The following RPTOR variants were observed in gnomAD, a reference collection of about 807,000 sequenced individuals.
The protein encoded by RPTOR is regulatory associated protein of MTOR complex 1, also known as regulatory-associated protein of mTOR.
RPTOR carries 21 observed loss-of-function variants against 169.9 expected under a neutral mutation model. The ratio of observed to expected loss-of-function variants is 0.12; its 90% CI spans 0.09 to 0.18. RPTOR has a LOEUF of 0.18. Among genes scored for constraint, RPTOR ranks in the 10% least tolerant of loss-of-function variants. The pLI is 1.00. For synonymous variants in RPTOR, 732 were observed against 753.2 expected, an observed-to-expected ratio of 0.97 and a Z score of 0.46; for missense variants, 1,133 against 1,855.9, an observed-to-expected ratio of 0.61 and a Z score of 7.16.
chr17:80,928,334 G>C (rs1254256753), intron 24 of RPTOR, among the ~76,000 whole-genome samples: 2 of 152,146 alleles, frequency 1.3e-5, no homozygotes, highest in African/African-American at 4.8e-5. Flanking sequence ...TGACATTTGT[G>C]TAACGAGCTG....
chr17:80,576,531 T>C (rs1169740697), intron 1 of RPTOR, among the ~76,000 whole-genome samples: 6 of 152,218 alleles, frequency 3.9e-5, no homozygotes, highest in Non-Finnish European at 1.5e-5. Flanking sequence ...CGGCAGTCAT[T>C]GTTCTTTCAG....
At chr17:80,704,730 G>C (rs543831870) in intron 3 of RPTOR, among the ~76,000 whole-genome samples, 1 of 152,208 alleles carries the variant, frequency 6.6e-6, no homozygotes, top group Non-Finnish European at 1.5e-5. Flanking sequence ...GTGTTGTAAT[G>C]CTGGGGAAAG....
chr17:80,648,171 A>G (rs1260857890), intron 3 of RPTOR, among the ~76,000 whole-genome samples: 2 of 152,100 alleles, frequency 1.3e-5, no homozygotes, highest in African/African-American at 4.8e-5. Flanking sequence ...TGGTATTGAT[A>G]ATAGAGTTGT....
At chr17:80,857,149 C>A (rs1433514831) in intron 12 of RPTOR, among the ~76,000 whole-genome samples, 1 of 152,266 alleles carries the variant, frequency 6.6e-6, no homozygotes, top group Non-Finnish European at 1.5e-5. Context: ...ATCCTCCACA[C>A]TGCAGTGCCC....
At position 80,603,798 on chromosome 17, in the gene RPTOR, G is replaced by A. The variant is rs191279786; in HGVS notation, c.163-21893G>A. Among the ~76,000 whole-genome samples, 310 of 152,296 alleles carry A rather than the reference G, an allele frequency of 2.0e-3. 2 individuals carry two copies. The highest frequency in any genetic ancestry group is 7.2e-3 in the African/African-American group (300 of 41,560). On this transcript the variant is annotated intron_variant, in intron 1 of 33. Coordinates refer to ENST00000306801, the MANE Select transcript of RPTOR (RefSeq NM_020761.3). ...TGTTGCCAGCCAAAGAAGCGCATCCGAGACTTAGCCCCCAGGGTTTTTACT... is the reference window on the plus strand; with the variant it reads ...TGTTGCCAGCCAAAGAAGCGCATCCAAGACTTAGCCCCCAGGGTTTTTACT...
intron 6 of RPTOR, among the ~76,000 whole-genome samples, chr17:80,777,738 C>T (rs1030550056): frequency 1.3e-5 from 2 of 152,230 alleles, no homozygotes; most frequent in Admixed American, 6.5e-5. Context: ...TTAGCTGTTA[C>T]GTCTAGGCCT....
chr17:80,885,080 A>G lies in RPTOR; in HGVS notation c.1915A>G (p.Thr639Ala). 6.2e-7 allele frequency: 1 copy of G among 1,600,700 alleles called. No individual in the cohort carries two copies. The highest frequency in any genetic ancestry group is 8.5e-7 in the Non-Finnish European group (1 of 1,174,740). The change falls in exon 17 of 34, where the codon ACC becomes GCC. Residue 639 changes from threonine (T) to alanine (A), a missense_variant. Thr to Ala is a moderately conservative substitution (Grantham distance 58). This residue lies in a region of RPTOR where 289 missense variants were observed against 585.8 expected (regional missense o/e 0.49). Coordinates refer to ENST00000306801, the MANE Select transcript of RPTOR (RefSeq NM_020761.3). ...NSAERTDHST[T>A]IDHNVAMMLA... ...TGCAGAGAGGACGGACCACTCCACC[A>G]CCATCGACCACAACGTGGCCATGAT...
At chr17:80,961,294 C>T (rs934221364) in intron 30 of RPTOR, 100 bp from the exon 31 acceptor site, 46 of 1,166,718 alleles carry the variant, frequency 3.9e-5, no homozygotes, top group Non-Finnish European at 3.8e-5. Context: ...CCTGCGGACC[C>T]GCTGGCACAG....
At position 80,823,262 on chromosome 17, in the gene RPTOR, G is replaced by GC; in HGVS notation, c.1136+42dup. 1.9e-6 allele frequency: 3 copies of GC among 1,604,326 alleles called. No individual in the cohort carries two copies. The highest frequency in any genetic ancestry group is 2.6e-6 in the Non-Finnish European group (3 of 1,173,694). On this transcript the variant is annotated intron_variant, in intron 9 of 33. Coordinates refer to ENST00000306801, the MANE Select transcript of RPTOR (RefSeq NM_020761.3). The surrounding 1 kb of genome is among the most constrained non-coding windows in gnomAD (Gnocchi z 4.5). ...GATCCTCCAGGTGCCGTGCTCCCCCGCCCTCCGTGGCACTGTGATGTCATG... is the reference window on the plus strand; with the variant it reads ...GATCCTCCAGGTGCCGTGCTCCCCCGCCCCTCCGTGGCACTGTGATGTCATG...
At chr17:80,865,331 T>C (rs59618920) in intron 13 of RPTOR, among the ~76,000 whole-genome samples, 7,671 of 152,262 alleles carry the variant, frequency 0.05, 594 homozygotes, top group African/African-American at 0.17. Context: ...GTGTGGAGAC[T>C]GAACGCCACA....
At chr17:80,943,695 G>A (rs1035075608) in intron 25 of RPTOR, among the ~76,000 whole-genome samples, 2 of 152,132 alleles carry the variant, frequency 1.3e-5, no homozygotes, top group African/African-American at 4.8e-5. Flanking sequence ...GGCGGGCAAC[G>A]GTCCTCTGAG....
chr17:80,858,783 C>T (rs1411004975), intron 13 of RPTOR, among the ~76,000 whole-genome samples: 1 of 152,190 alleles, frequency 6.6e-6, no homozygotes, highest in Non-Finnish European at 1.5e-5. Flanking sequence ...GGAGGGCAGG[C>T]CACTCCCTGT....
intron 3 of RPTOR, among the ~76,000 whole-genome samples, chr17:80,650,141 G>A (rs7212142): frequency 0.49 from 74,895 of 152,128 alleles, 20,512 homozygotes; most frequent in African/African-American, 0.75. Flanking sequence ...GCCTCCTGGA[G>A]GATGGCAGCC....
rs185362010 is a variant in RPTOR at position 80,711,442 on chromosome 17, T to C, written c.507+3443T>C. Among the ~76,000 whole-genome samples, 85 of 152,306 alleles carry C rather than the reference T, an allele frequency of 5.6e-4. No individual in the cohort carries two copies. In the East Asian group the frequency reaches 0.015, roughly 28 times the overall value. On this transcript the variant is annotated intron_variant, in intron 4 of 33. Transcript: ENST00000306801. ...CTAAGAACGAGGATGGCTTTCTGTA[T>C]CACCACATTACCGTCAAATTGCTCA...
At chr17:80,793,581 C>T (rs993377465) in intron 7 of RPTOR, among the ~76,000 whole-genome samples, 10 of 152,150 alleles carry the variant, frequency 6.6e-5, no homozygotes, top group South Asian at 2.1e-4. Context: ...GACAGTGTCT[C>T]GTCTCCATCC....
chr17:80,585,975 C>T (rs1053564606), intron 1 of RPTOR, among the ~76,000 whole-genome samples: 8 of 151,574 alleles, frequency 5.3e-5, no homozygotes, highest in African/African-American at 1.7e-4. Flanking sequence ...AATATTGTTC[C>T]GAGGTCTTCT....
chr17:80,849,752 T>C (rs921884433), intron 11 of RPTOR, among the ~76,000 whole-genome samples: 3 of 152,190 alleles, frequency 2.0e-5, no homozygotes, highest in African/African-American at 7.2e-5. Flanking sequence ...ACTCCTGACC[T>C]TGTGATCCAC....
At position 80,665,439 on chromosome 17, in the gene RPTOR, TTTCC is replaced by T. The variant is rs1567846391; in HGVS notation, c.348+21632_348+21635del. ...TTTCCTTTCCTTTCCTTTCCTTTCC[TTTCC>T]TTTCCTTTCCTTTCCTTTCCTTTCC... On this transcript the variant is annotated intron_variant, in intron 3 of 33. Coordinates refer to ENST00000306801, the MANE Select transcript of RPTOR (RefSeq NM_020761.3). 4.8e-4 allele frequency among the ~76,000 whole-genome samples: 9 copies of T among 18,802 alleles called. 1 individual carries two copies. The highest frequency in any genetic ancestry group is 3.0e-3 in the African/African-American group (5 of 1,654). The allele number at this position is 18,802 out of a possible 152,430, so 12.3% of individuals were successfully genotyped here.
chr17:80,841,603 ACTG>A (rs2067660208), intron 10 of RPTOR, among the ~76,000 whole-genome samples: 1 of 126,934 alleles, frequency 7.9e-6, no homozygotes, highest in Non-Finnish European at 1.6e-5. Flanking sequence ...CTCTCACCGC[ACTG>A]CAGCTCACTC....
Sources: allele counts gnomAD v4.1 joint callset (sites outside exome capture counted in the v4.1 genomes callset), GRCh38; gene constraint gnomAD v4.1.1; regional missense constraint gnomAD v4.1.1; non-coding constraint Gnocchi (gnomAD v3.1); transcripts MANE v1.5; gene names NCBI Gene and HGNC (gene_info 2026-07-23, HGNC 2026-07-21).